Variants in L3MBTL4 observed in about 807,000 individuals in gnomAD.
L3MBTL4 encodes the protein L3MBTL histone methyl-lysine binding protein 4.
L3MBTL4 carries 70 observed loss-of-function variants against 84.5 expected under a neutral mutation model. The observed-to-expected ratio is 0.83, with a 90% confidence interval of 0.68 to 1.01. The LOEUF is 1.01. L3MBTL4 is among the 50% of genes least tolerant of loss of function. L3MBTL4 has a pLI of 0.00. For synonymous variants in L3MBTL4, 274 were observed against 259.8 expected, an observed-to-expected ratio of 1.05 and a Z score of -0.52; for missense variants, 715 against 754.8, an observed-to-expected ratio of 0.95 and a Z score of 0.62.
At chr18:5,987,595 T>G (rs1029897453) in intron 16 of L3MBTL4, among the ~76,000 whole-genome samples, 2 of 152,238 alleles carry the variant, frequency 1.3e-5, no homozygotes, top group Non-Finnish European at 2.9e-5. Context: ...CTCTCCACCT[T>G]TAGCAGCCAT....
chr18:6,210,681 A>C (rs986061591), intron 12 of L3MBTL4, among the ~76,000 whole-genome samples: 1 of 152,196 alleles, frequency 6.6e-6, no homozygotes, highest in Non-Finnish European at 1.5e-5. Flanking sequence ...ATTGTTGAAA[A>C]TGTAGTTCTC....
chr18:6,151,987 T>G (rs76774983), intron 13 of L3MBTL4, among the ~76,000 whole-genome samples: 2,499 of 152,330 alleles, frequency 0.016, 72 homozygotes, highest in African/African-American at 0.056. Flanking sequence ...ACAGTATTTG[T>G]TTTTATGTGC....
intron 4 of L3MBTL4, among the ~76,000 whole-genome samples, chr18:6,280,521 C>T (rs2049277750): frequency 6.6e-6 from 1 of 152,188 alleles, no homozygotes; most frequent in South Asian, 2.1e-4. Context: ...AAGTAATTCC[C>T]ATTTCCTTCA....
intron 1 of L3MBTL4, among the ~76,000 whole-genome samples, chr18:6,362,640 T>C (rs2144041583): frequency 1.3e-5 from 2 of 152,210 alleles, no homozygotes; most frequent in Middle Eastern, 3.4e-3. Flanking sequence ...ATACTGCCAG[T>C]ATCTGCACCC....
intron 16 of L3MBTL4, among the ~76,000 whole-genome samples, chr18:6,039,748 G>C (rs775376975): frequency 2.0e-5 from 3 of 152,126 alleles, no homozygotes; most frequent in Non-Finnish European, 4.4e-5. Flanking sequence ...TCTAGAAAAG[G>C]GTCAAGTGTC....
intron 17 of L3MBTL4, among the ~76,000 whole-genome samples, chr18:5,969,103 C>T (rs1043124851): frequency 2.6e-5 from 4 of 152,088 alleles, no homozygotes; most frequent in Non-Finnish European, 5.9e-5. Flanking sequence ...GCTTAAGCCC[C>T]TCTGCTTGAA....
At chr18:6,107,171 G>C (rs2144001354) in intron 14 of L3MBTL4, among the ~76,000 whole-genome samples, 1 of 152,254 alleles carries the variant, frequency 6.6e-6, no homozygotes, top group East Asian at 1.9e-4. Flanking sequence ...TCATAAAATT[G>C]CTCCTGTTGC....
intron 16 of L3MBTL4, among the ~76,000 whole-genome samples, chr18:6,013,288 G>A (rs545028368): frequency 1.3e-5 from 2 of 152,222 alleles, no homozygotes; most frequent in African/African-American, 2.4e-5. Context: ...AGACTCACCC[G>A]CTCCTTCTCC....
chr18:6,399,387 A>G (rs1216756408), intron 1 of L3MBTL4, among the ~76,000 whole-genome samples: 2 of 152,108 alleles, frequency 1.3e-5, no homozygotes, highest in African/African-American at 4.8e-5. Context: ...CAGAGAGCCA[A>G]GACTGAACCA....
At chr18:6,237,815 A>G in intron 10 of L3MBTL4, 149 bp downstream of exon 10, 1 of 663,882 alleles carries the variant, frequency 1.5e-6, no homozygotes, top group Non-Finnish European at 2.7e-6. Context: ...TGCAGGTTTC[A>G]GACACTTGGT....
At chr18:6,214,927 C>A (rs528573934) in intron 11 of L3MBTL4, among the ~76,000 whole-genome samples, 1 of 152,302 alleles carries the variant, frequency 6.6e-6, no homozygotes, top group African/African-American at 2.4e-5. Context: ...TCTTTTTAAA[C>A]CCTTCCTAGT....
intron 16 of L3MBTL4, chr18:6,031,904 G>C (rs1433455853): frequency 2.3e-6 from 2 of 884,646 alleles, no homozygotes; most frequent in Non-Finnish European, 2.7e-6. Context: ...TGGGCTTTTA[G>C]AGTAATGGTC....
chr18:6,343,268 C>G (rs1404013436), intron 1 of L3MBTL4, among the ~76,000 whole-genome samples: 14 of 152,238 alleles, frequency 9.2e-5, no homozygotes, highest in African/African-American at 3.4e-4. Flanking sequence ...GAGAACATTC[C>G]ATCCAATAGC....
intron 16 of L3MBTL4, chr18:6,031,361 T>C (rs143006598): frequency 3.0e-6 from 3 of 985,452 alleles, no homozygotes; most frequent in Non-Finnish European, 2.4e-6. Context: ...TTCACCTTAT[T>C]GTAGATAGCA....
chr18:5,976,089 C>T (rs756818402), intron 16 of L3MBTL4, among the ~76,000 whole-genome samples: 2 of 152,126 alleles, frequency 1.3e-5, no homozygotes, highest in Non-Finnish European at 2.9e-5. Context: ...CTTGGATGCC[C>T]CACACCTGTG....
At chr18:6,124,829 G>A (rs1022762260) in intron 14 of L3MBTL4, among the ~76,000 whole-genome samples, 3 of 152,048 alleles carry the variant, frequency 2.0e-5, no homozygotes, top group Non-Finnish European at 4.4e-5. Context: ...TTTTAAATAT[G>A]ATTGAAAAAA....
At chr18:6,295,346 C>CTCTCTCTCTCTATATATATATATATATA (rs1261475809) in intron 4 of L3MBTL4, among the ~76,000 whole-genome samples, 2 of 81,378 alleles carry the variant, frequency 2.5e-5, no homozygotes, top group African/African-American at 1.3e-4. Flanking sequence ...CTCTCTCTCT[C>CTCTCTCTCTCTATATATATATATATATA]TATATATATA....
intron 4 of L3MBTL4, among the ~76,000 whole-genome samples, chr18:6,289,070 C>G (rs1230815631): frequency 6.6e-6 from 1 of 151,678 alleles, no homozygotes; most frequent in Non-Finnish European, 1.5e-5. Flanking sequence ...AAGTTGTTGT[C>G]CTAAGATAAA....
chr18:6,392,627 C>T (rs920930939), intron 1 of L3MBTL4, among the ~76,000 whole-genome samples: 50 of 152,138 alleles, frequency 3.3e-4, no homozygotes, highest in African/African-American at 1.2e-3. Context: ...AATTCTCACC[C>T]TATACAAAAA....
Sources: allele counts gnomAD v4.1 joint callset (sites outside exome capture counted in the v4.1 genomes callset), GRCh38; gene constraint gnomAD v4.1.1; transcripts MANE v1.5; gene names NCBI Gene and HGNC (gene_info 2026-07-23, HGNC 2026-07-21).